HIVEP2: variants seen among roughly 807,000 people sequenced by gnomAD.
HIVEP2 encodes transcription factor HIVEP2.
HIVEP2 carries 14 observed loss-of-function variants against 180.7 expected under a neutral mutation model. The ratio of observed to expected loss-of-function variants is 0.08; its 90% CI spans 0.05 to 0.12. HIVEP2 has a LOEUF of 0.12. Among genes scored for constraint, HIVEP2 ranks in the 10% least tolerant of loss-of-function variants. The probability of loss-of-function intolerance (pLI) is 1.00; values close to 1 mark genes in which losing one functional copy is unlikely to be tolerated. For missense variants in HIVEP2, 2,579 were observed against 3,008.5 expected (o/e 0.86, Z 3.34); for synonymous variants, 1,184 against 1,136.4 (o/e 1.04, Z -0.84).
intron 1 of HIVEP2, among the ~76,000 whole-genome samples, chr6:142,886,747 C>A (rs1187950589): frequency 6.6e-6 from 1 of 152,200 alleles, no homozygotes; most frequent in East Asian, 1.9e-4. Context: ...CTATCTTGCC[C>A]ACACAAATGG....
intron 2 of HIVEP2, among the ~76,000 whole-genome samples, chr6:142,803,756 T>C (rs1376647206): frequency 6.6e-6 from 1 of 152,112 alleles, no homozygotes; most frequent in Non-Finnish European, 1.5e-5. Context: ...TGATTCCTCC[T>C]TTCCTATAAT....
Position 142,772,272 on chromosome 6 carries a change from C to A in HIVEP2, c.2467G>T (p.Val823Leu), listed in dbSNP as rs769961243. 6.2e-7 allele frequency: 1 copy of A among 1,614,230 alleles called. No individual in the cohort carries two copies. Among genetic ancestry groups the A allele is most frequent in the Non-Finnish European group, 8.5e-7 (1 of 1,180,056 alleles). ...GGGGCTTTATCCTGTGTGCAAGCCA[C>A]AAGTTCGGCTGACTCAGACCTTTCA... ...SFERSESAEL[V>L]ACTQDKAPSP... The change falls in exon 5 of 10, where the codon GTG (valine) becomes TTG (leucine). Residue 823 changes from valine to leucine, a missense_variant. By Grantham distance (32) the Val-to-Leu change is conservative. Transcript: ENST00000367603. This position sits in a 1 kb window ranked among gnomAD's most constrained non-coding sequence, Gnocchi z 4.9.
chr6:142,896,542 AGCACTCTCT>A (rs1776999826), intron 1 of HIVEP2, among the ~76,000 whole-genome samples: 1 of 152,226 alleles, frequency 6.6e-6, no homozygotes, highest in Non-Finnish European at 1.5e-5. Flanking sequence ...TGCTCTGCTC[AGCACTCTCT>A]GCCATTTCCT....
intron 1 of HIVEP2, among the ~76,000 whole-genome samples, chr6:142,882,808 A>C (rs1776605142): frequency 6.6e-6 from 1 of 152,148 alleles, no homozygotes; most frequent in Non-Finnish European, 1.5e-5. Flanking sequence ...GGTAAAATTC[A>C]GTGTCACATT....
chr6:142,762,308 A>G (rs1172895657), intron 7 of HIVEP2, among the ~76,000 whole-genome samples: 1 of 152,214 alleles, frequency 6.6e-6, no homozygotes, highest in East Asian at 1.9e-4. Context: ...AATATGTTAT[A>G]ATGATAATGG....
chr6:142,849,517 AT>A (rs5880551), intron 1 of HIVEP2, among the ~76,000 whole-genome samples: 4,265 of 131,636 alleles, frequency 0.032, 167 homozygotes, highest in African/African-American at 0.082. Flanking sequence ...TTATTTATTT[AT>A]TTTTTTTTTT....
chr6:142,790,609 A>G (rs1209909334), intron 2 of HIVEP2, among the ~76,000 whole-genome samples: 1 of 152,246 alleles, frequency 6.6e-6, no homozygotes, highest in Non-Finnish European at 1.5e-5. Context: ...TGCTGCAGAT[A>G]TACATAAATA....
intron 1 of HIVEP2, among the ~76,000 whole-genome samples, chr6:142,912,177 T>C (rs1271460528): frequency 6.6e-6 from 1 of 152,208 alleles, no homozygotes; most frequent in African/African-American, 2.4e-5. Context: ...CGGCCACATT[T>C]CAAGTACCCC....
At chr6:142,855,616 AACTAT>A (rs1278796620) in intron 1 of HIVEP2, among the ~76,000 whole-genome samples, 2 of 152,202 alleles carry the variant, frequency 1.3e-5, no homozygotes, top group Non-Finnish European at 2.9e-5. Flanking sequence ...GGAACCTCTC[AACTAT>A]ACTGAATTAT....
At chr6:142,791,663 T>C (rs1776140788) in intron 2 of HIVEP2, among the ~76,000 whole-genome samples, 1 of 152,194 alleles carries the variant, frequency 6.6e-6, no homozygotes, top group Non-Finnish European at 1.5e-5. Flanking sequence ...AAATAAAACA[T>C]TACTAAAATG....
chr6:142,866,716 A>G (rs1050173688), intron 1 of HIVEP2, among the ~76,000 whole-genome samples: 1 of 152,140 alleles, frequency 6.6e-6, no homozygotes, highest in Non-Finnish European at 1.5e-5. Flanking sequence ...AAAGCTGTGG[A>G]AAGGGCTTTC....
intron 2 of HIVEP2, among the ~76,000 whole-genome samples, chr6:142,793,675 C>CCT (rs1776209735): frequency 8.1e-6 from 1 of 122,828 alleles, no homozygotes; most frequent in Non-Finnish European, 1.7e-5. Flanking sequence ...TTCTTTCTTT[C>CCT]TCTCTCTCTC....
At chr6:142,908,117 T>C (rs1278213085) in intron 1 of HIVEP2, among the ~76,000 whole-genome samples, 3 of 152,226 alleles carry the variant, frequency 2.0e-5, no homozygotes, top group Non-Finnish European at 2.9e-5. Flanking sequence ...TTCCTACTTA[T>C]GATTCTCAGA....
At chr6:142,822,430 T>C (rs1777065530) in intron 2 of HIVEP2, among the ~76,000 whole-genome samples, 1 of 152,238 alleles carries the variant, frequency 6.6e-6, no homozygotes, top group African/African-American at 2.4e-5. Flanking sequence ...GTAGTCATAA[T>C]CATAAAGACA....
At chr6:142,854,503 T>C (rs576091798) in intron 1 of HIVEP2, among the ~76,000 whole-genome samples, 1 of 152,214 alleles carries the variant, frequency 6.6e-6, no homozygotes, top group Non-Finnish European at 1.5e-5. Context: ...CTAAAGATCG[T>C]GCTCAACCAA....
At chr6:142,796,552 C>A (rs757114180) in intron 2 of HIVEP2, among the ~76,000 whole-genome samples, 1 of 152,080 alleles carries the variant, frequency 6.6e-6, no homozygotes, top group Non-Finnish European at 1.5e-5. Context: ...AAGTTTTCAT[C>A]ATCTGTTTAC....
rs1351566532 is a variant in HIVEP2 at position 142,759,977 on chromosome 6, T to C, written c.6311A>G (p.Asp2104Gly). The change falls in exon 9 of 10, where the codon GAT (aspartate) becomes GGT (glycine). Residue 2104 changes from aspartate to glycine, a missense_variant. Physicochemically the swap from Asp to Gly is moderately conservative, Grantham distance 94 (BLOSUM62 -1). Transcript: ENST00000367603. ...AALRREMSQRDVSPRRHLSPR... is the reference protein window; with the variant it reads ...AALRREMSQRGVSPRRHLSPR... ...AGACAAATGCCTTCTTGGTGAAACA[T>C]CTCTTTGGGACATCTCTCTTCTCAA... 1 of 1,613,862 alleles carries C rather than the reference T, an allele frequency of 6.2e-7. No homozygotes were observed. The highest frequency in any genetic ancestry group is 8.5e-7 in the Non-Finnish European group (1 of 1,179,986).
rs778668820 is a variant in HIVEP2 at position 142,761,493 on chromosome 6, G to C, written c.5591C>G (p.Ser1864Trp). ...KCLELGVSMT[S>W]VDDTETEEAE... The stretch of plus-strand genomic sequence containing the variant: ...TTCCTCAGTTTCTGTATCATCCACC[G>C]ATGTCATTGAGACTCCCAATTCCAG... Residue 1864 changes from serine to tryptophan, a missense_variant, in exon 8 of 10, where the codon TCG becomes TGG. Coordinates refer to ENST00000367603, the MANE Select transcript of HIVEP2 (RefSeq NM_006734.4). 2 of 1,602,474 alleles carry C rather than the reference G, an allele frequency of 1.2e-6. No individual in the cohort carries two copies. Among genetic ancestry groups the C allele is most frequent in the African/African-American group, 1.3e-5 (1 of 74,742 alleles).
chr6:142,828,657 C>A (rs1774984028), intron 2 of HIVEP2, among the ~76,000 whole-genome samples: 1 of 152,104 alleles, frequency 6.6e-6, no homozygotes, highest in African/African-American at 2.4e-5. Flanking sequence ...GTCTCGAACT[C>A]CTGACCTCGT....
Sources: gnomAD v4.1 joint callset for allele counts (sites outside exome capture counted in the v4.1 genomes callset) on GRCh38, gnomAD v4.1.1 for gene constraint, Gnocchi (gnomAD v3.1) non-coding constraint, MANE v1.5 for transcripts, NCBI Gene and HGNC (gene_info 2026-07-23, HGNC 2026-07-21) for gene names.